ISX: variants seen among roughly 807,000 people sequenced by gnomAD.
ISX encodes intestine-specific homeobox.
ISX carries 15 observed loss-of-function variants against 16.9 expected under a neutral mutation model. The ratio of observed to expected loss-of-function variants is 0.89; its 90% CI spans 0.59 to 1.36. The LOEUF is 1.36. ISX is among the 40% of genes most tolerant of loss of function. ISX has a pLI of 0.00. For synonymous variants in ISX, 125 were observed against 119.7 expected, an observed-to-expected ratio of 1.04 and a Z score of -0.29; for missense variants, 316 against 306.1, an observed-to-expected ratio of 1.03 and a Z score of -0.24.
At chr22:35,081,131 T>C (rs1460409664) in intron 2 of ISX, among the ~76,000 whole-genome samples, 1 of 152,190 alleles carries the variant, frequency 6.6e-6, no homozygotes, top group African/African-American at 2.4e-5. Flanking sequence ...TAGGAAATAA[T>C]TTTTGGAGAT....
At chr22:35,079,995 T>C (rs1160709542) in intron 2 of ISX, among the ~76,000 whole-genome samples, 1 of 152,212 alleles carries the variant, frequency 6.6e-6, no homozygotes, top group African/African-American at 2.4e-5. Flanking sequence ...GCAATCTTCC[T>C]TACTCTCCAT....
chr22:35,078,851 G>A (rs1929056932), intron 2 of ISX, among the ~76,000 whole-genome samples: 1 of 152,228 alleles, frequency 6.6e-6, no homozygotes, highest in South Asian at 2.1e-4. Context: ...TGCGGTGAGT[G>A]CTTTTGAGCC....
At chr22:35,079,097 A>G (rs1929061119) in intron 2 of ISX, among the ~76,000 whole-genome samples, 1 of 152,236 alleles carries the variant, frequency 6.6e-6, no homozygotes, top group South Asian at 2.1e-4. Flanking sequence ...GATCGATCAT[A>G]AGCACCAAGA....
chr22:35,067,114 C>CT lies in ISX; in HGVS notation c.28dup (p.Cys10LeufsTer8), dbSNP rs778964293. On this transcript the variant is annotated frameshift_variant, in exon 2 of 5. Coordinates refer to ENST00000404699, the MANE Select transcript of ISX (RefSeq NM_001303508.2). LOFTEE classifies it high-confidence loss of function. ...TGTGTGCTGAGGTGGGCCCTGCTCT[C>CT]TGCAGGGGTATGGAGAGAAATAGCT... 2 of 1,613,808 alleles carry CT rather than the reference C, an allele frequency of 1.2e-6. No homozygotes were observed. The highest frequency in any genetic ancestry group is 2.2e-5 in the South Asian group (2 of 91,038).
In ISX at chr22:35,066,978, G is replaced by A. The variant is rs1193059139; in HGVS notation, c.-110G>A. ...TGGATCATCTAACTGGAGGCTCTCTGTTCTTCACCTCCACGCGCCCTCTTG... is the reference window on the plus strand; with the variant it reads ...TGGATCATCTAACTGGAGGCTCTCTATTCTTCACCTCCACGCGCCCTCTTG... On this transcript the variant is annotated 5_prime_UTR_variant, in exon 2 of 5. Coordinates refer to ENST00000404699, the MANE Select transcript of ISX (RefSeq NM_001303508.2). The A allele has an allele frequency of 1.4e-6, 1 of 714,452 alleles. No homozygotes were observed. The highest frequency in any genetic ancestry group is 2.4e-6 in the Non-Finnish European group (1 of 425,380). The allele number at this position is 714,452 out of a possible 1,614,324, so 44.3% of individuals were successfully genotyped here.
chr22:35,076,388 A>G (rs1928979986), intron 2 of ISX, among the ~76,000 whole-genome samples: 1 of 152,244 alleles, frequency 6.6e-6, no homozygotes, highest in African/African-American at 2.4e-5. Flanking sequence ...CTTGAACGCC[A>G]TGCTAAGGAG....
intron 2 of ISX, among the ~76,000 whole-genome samples, chr22:35,070,565 T>A (rs900883019): frequency 6.6e-6 from 1 of 152,220 alleles, no homozygotes; most frequent in Non-Finnish European, 1.5e-5. Flanking sequence ...GCCTGGCCTG[T>A]GGGGAACCCA....
At chr22:35,081,289 C>G (rs1929118345) in intron 2 of ISX, among the ~76,000 whole-genome samples, 1 of 152,128 alleles carries the variant, frequency 6.6e-6, no homozygotes, top group Non-Finnish European at 1.5e-5. Flanking sequence ...GTAAGCAGCC[C>G]AACTTGAATG....
intron 2 of ISX, among the ~76,000 whole-genome samples, chr22:35,078,766 G>C (rs1929053360): frequency 6.6e-6 from 1 of 152,248 alleles, no homozygotes; most frequent in African/African-American, 2.4e-5. Flanking sequence ...AGGCAACCGG[G>C]CCTGGTGGCT....
rs1478250446 is a variant in ISX, at chr22:35,070,114, T to C, written c.229+2798T>C. On this transcript the variant is annotated intron_variant, in intron 2 of 4. Transcript: ENST00000404699. The stretch of plus-strand genomic sequence containing the variant: ...GTACATGCAAGAGATGGGGCCAGGC[T>C]AGTTATCTGGGCTCCAAGGCTAGTG... Among the ~76,000 whole-genome samples, 6 of 152,204 alleles carry C rather than the reference T, an allele frequency of 3.9e-5. No homozygotes were observed. In the South Asian group the frequency reaches 1.2e-3, roughly 32 times the overall value.
At chr22:35,071,285 C>G (rs1484987896) in intron 2 of ISX, among the ~76,000 whole-genome samples, 4 of 152,210 alleles carry the variant, frequency 2.6e-5, no homozygotes, top group African/African-American at 9.7e-5. Flanking sequence ...TATTAATTTT[C>G]TATGGCTGTT....
chr22:35,076,006 TTTGA>T (rs1928969832), intron 2 of ISX, among the ~76,000 whole-genome samples: 1 of 152,160 alleles, frequency 6.6e-6, no homozygotes, highest in African/African-American at 2.4e-5. Flanking sequence ...CTACAGATAT[TTTGA>T]TTGATTGACT....
chr22:35,070,779 G>A (rs1327734787), intron 2 of ISX, among the ~76,000 whole-genome samples: 2 of 152,222 alleles, frequency 1.3e-5, no homozygotes, highest in African/African-American at 4.8e-5. Context: ...TGATGGAGCT[G>A]GCCAGGGGCA....
intron 3 of ISX, 51 bp from the exon 4 acceptor site, chr22:35,084,332 T>A (rs781706983): frequency 5.0e-6 from 6 of 1,201,358 alleles, no homozygotes; most frequent in Non-Finnish European, 2.5e-6. Context: ...GGAAGTGGTA[T>A]TAGATGGAGG....
At chr22:35,077,936 A>G (rs1929027925) in intron 2 of ISX, among the ~76,000 whole-genome samples, 1 of 152,186 alleles carries the variant, frequency 6.6e-6, no homozygotes, top group African/African-American at 2.4e-5. Flanking sequence ...TCTTAGTCAT[A>G]AATCCTTGTT....
rs2146295917 is a variant in ISX at position 35,084,494 on chromosome 22, G to A, written c.493G>A (p.Val165Met). The change falls in exon 4 of 5, where the codon GTG becomes ATG. Residue 165 changes from valine (V) to methionine (M), a missense_variant. Physicochemically the swap from Val to Met is conservative, Grantham distance 21. Coordinates refer to ENST00000404699, the MANE Select transcript of ISX (RefSeq NM_001303508.2). The part of the protein sequence containing the change: ...ASVALPTNLD[V>M]AGPTWTSTAL... ...TGTGGCCCTGCCCACAAATCTGGAT[G>A]TGGCTGTAAGTGGCTGAGGCCTCAA... The A allele has an allele frequency of 1.9e-6, 3 of 1,601,494 alleles. No individual in the cohort carries two copies. Among genetic ancestry groups the A allele is most frequent in the Middle Eastern group, 1.7e-4 (1 of 6,010 alleles).
chr22:35,085,674 T>C lies in ISX; in HGVS notation c.719T>C (p.Ile240Thr), dbSNP rs754803028. Reference sequence around the variant, plus strand: ...CCTCCACACCCCAAATGGGGCAGCATCTGTGCTACTTCAACATAGAGATTG... The same window carrying C: ...CCTCCACACCCCAAATGGGGCAGCACCTGTGCTACTTCAACATAGAGATTG... Reference protein sequence around the residue: ...LPPPHPKWGSICATST With the variant: ...LPPPHPKWGSTCATST The change falls in exon 5 of 5, where the codon ATC (isoleucine) becomes ACC (threonine). Residue 240 changes from isoleucine to threonine, a missense_variant. Physicochemically the swap from Ile to Thr is moderately conservative, Grantham distance 89. Coordinates refer to ENST00000404699, the MANE Select transcript of ISX (RefSeq NM_001303508.2). The C allele has an allele frequency of 1.9e-6, 3 of 1,614,084 alleles. No individual in the cohort carries two copies. The highest frequency in any genetic ancestry group is 2.7e-5 in the African/African-American group (2 of 74,936).
chr22:35,072,057 C>T (rs925489133), intron 2 of ISX, among the ~76,000 whole-genome samples: 1 of 152,212 alleles, frequency 6.6e-6, no homozygotes, highest in Non-Finnish European at 1.5e-5. Flanking sequence ...CAGACGAGAA[C>T]AGGGCAAAAG....
chr22:35,085,921 G>A lies in ISX; in HGVS notation c.*228G>A. ...TGGCTAAAGCTGCTCTCCTGGTTCA[G>A]AAGACAGGCTGGATGAGATCTCAGG... On this transcript the variant is annotated 3_prime_UTR_variant, in exon 5 of 5. Coordinates refer to ENST00000404699, the MANE Select transcript of ISX (RefSeq NM_001303508.2). 1.7e-6 allele frequency: 1 copy of A among 581,386 alleles called. No individual in the cohort carries two copies. The highest frequency in any genetic ancestry group is 3.1e-6 in the Non-Finnish European group (1 of 327,718). 36.0% of individuals were successfully genotyped at this position (581,386 alleles called of 1,614,324 possible). A position where few individuals can be genotyped will look rare whatever the true frequency, so the allele number is the denominator to read the frequency against.
Sources: allele counts gnomAD v4.1 joint callset (sites outside exome capture counted in the v4.1 genomes callset), GRCh38; gene constraint gnomAD v4.1.1; transcripts MANE v1.5; gene names NCBI Gene and HGNC (gene_info 2026-07-23, HGNC 2026-07-21).